The following ATP2B4 variants were observed in gnomAD, a reference collection of about 807,000 sequenced individuals.
The protein encoded by ATP2B4 is plasma membrane calcium-transporting ATPase 4.
In ATP2B4, 39 loss-of-function variants were observed where a neutral mutation model predicts 110.3. That is an observed-to-expected ratio of 0.35 (90% confidence interval 0.27 to 0.46). The LOEUF is 0.46. Ranked by LOEUF, ATP2B4 falls within the 20% of genes least tolerant of loss-of-function variation. ATP2B4 has a pLI of 1.00. For synonymous variants in ATP2B4, 538 were observed against 571.7 expected, an observed-to-expected ratio of 0.94 and a Z score of 0.84; for missense variants, 1,135 against 1,530.9, an observed-to-expected ratio of 0.74 and a Z score of 4.32.
Position 203,729,731 on chromosome 1 carries a change from C to T in ATP2B4, c.3309+2160C>T, listed in dbSNP as rs769138159. The stretch of plus-strand genomic sequence containing the variant: ...GCTTCCTGGGGAGCCCTGAGCACTT[C>T]TCCGTGTTGCTGGCCTCACATCCAA... On this transcript the variant is annotated intron_variant, in intron 20 of 20. Transcript: ENST00000357681. 5 of 1,352,020 alleles carry T rather than the reference C, an allele frequency of 3.7e-6. No individual in the cohort carries two copies. In the South Asian group the frequency reaches 5.8e-5, roughly 16 times the overall value. 83.8% of individuals were successfully genotyped at this position (1,352,020 alleles called of 1,614,324 possible).
At chr1:203,700,490 C>G (rs1259935798) in intron 5 of ATP2B4, among the ~76,000 whole-genome samples, 159 bp downstream of exon 5, 7 of 152,138 alleles carry the variant, frequency 4.6e-5, no homozygotes, top group African/African-American at 1.4e-4. Context: ...GGATATCAGG[C>G]AGCCTAAATG....
chr1:203,637,425 G>T (rs551739523), intron 1 of ATP2B4, among the ~76,000 whole-genome samples: 7 of 115,790 alleles, frequency 6.0e-5, no homozygotes, highest in Admixed American at 2.2e-4. Context: ...GACAGAGCAA[G>T]ACTCTGTCTC....
intron 2 of ATP2B4, among the ~76,000 whole-genome samples, chr1:203,691,005 A>G (rs1665357018): frequency 6.6e-6 from 1 of 152,056 alleles, no homozygotes; most frequent in Non-Finnish European, 1.5e-5. Context: ...CTCTCTTCCT[A>G]GCCCAGCCCA....
At chr1:203,700,652 G>T in intron 5 of ATP2B4, 146 bp from the exon 6 acceptor site, 1 of 1,190,612 alleles carries the variant, frequency 8.4e-7, no homozygotes. Flanking sequence ...AATGCGCCCA[G>T]CTCTTGACCT....
intron 2 of ATP2B4, among the ~76,000 whole-genome samples, chr1:203,691,774 C>T (rs1261411132): frequency 1.3e-5 from 2 of 152,132 alleles, no homozygotes; most frequent in African/African-American, 4.8e-5. Context: ...GAGTAGCATT[C>T]GGTTATTAGC....
At position 203,700,901 on chromosome 1, in the gene ATP2B4, CG is replaced by C. The variant is rs1558040522; in HGVS notation, c.880del (p.Glu294LysfsTer63). On this transcript the variant is annotated frameshift_variant, in exon 6 of 21. Coordinates refer to ENST00000357681, the MANE Select transcript of ATP2B4 (RefSeq NM_001684.5). LOFTEE classifies it high-confidence loss of function. The part of the protein sequence containing the change: ...LTLLGVNEDD[E>X]GEKKKKGKKQ... Reference sequence around the variant, plus strand: ...CTCTCTTGGGGGTCAATGAGGATGACGAAGGGGAGAAAAAGAAGAAAGGTAA... The same window carrying C: ...CTCTCTTGGGGGTCAATGAGGATGACAAGGGGAGAAAAAGAAGAAAGGTAA... 1 of 1,612,942 alleles carries C rather than the reference CG, an allele frequency of 6.2e-7. No individual in the cohort carries two copies. Among genetic ancestry groups the C allele is most frequent in the Non-Finnish European group, 8.5e-7 (1 of 1,179,418 alleles).
At chr1:203,655,354 A>G (rs1571686554) in intron 1 of ATP2B4, among the ~76,000 whole-genome samples, 1 of 1,458 alleles carries the variant, frequency 6.9e-4, no homozygotes, top group South Asian at 0.5. Flanking sequence ...TGGGGATGTA[A>G]AAAAAAAGAG....
chr1:203,714,065 A>G, intron 14 of ATP2B4, 106 bp from the exon 15 acceptor site: 1 of 1,108,254 alleles, frequency 9.0e-7, no homozygotes, highest in South Asian at 1.3e-5. Context: ...ACTTCTAGGA[A>G]AGGGAAAAGG....
At chr1:203,733,480 G>T in intron 20 of ATP2B4, 2 of 1,344,014 alleles carry the variant, frequency 1.5e-6, no homozygotes, top group East Asian at 2.6e-5. Flanking sequence ...AACCAACCAT[G>T]GTTATCTTTT....
intron 20 of ATP2B4, among the ~76,000 whole-genome samples, chr1:203,735,002 CAAAAAAAAA>C (rs35552196): frequency 3.5e-5 from 2 of 57,134 alleles, no homozygotes; most frequent in Admixed American, 2.7e-4. Flanking sequence ...GACTCCATCT[CAAAAAAAAA>C]AAAAAAAAAA....
intron 2 of ATP2B4, among the ~76,000 whole-genome samples, chr1:203,687,573 G>A (rs1424575628): frequency 6.6e-6 from 1 of 152,194 alleles, no homozygotes; most frequent in Non-Finnish European, 1.5e-5. Context: ...TGAAAGTGAA[G>A]ATCAGAGATA....
At chr1:203,707,563 TG>T (rs1327961465) in intron 9 of ATP2B4, among the ~76,000 whole-genome samples, 20 of 152,208 alleles carry the variant, frequency 1.3e-4, no homozygotes, top group Middle Eastern at 3.4e-3. Flanking sequence ...CCCAAGTAGC[TG>T]GGATTACAGG....
chr1:203,651,791 C>T (rs1425430830), intron 1 of ATP2B4, among the ~76,000 whole-genome samples: 1 of 151,100 alleles, frequency 6.6e-6, no homozygotes, highest in Non-Finnish European at 1.5e-5. Flanking sequence ...GGCACGGTGG[C>T]TCATGCCTGT....
At chr1:203,689,357 A>G (rs1665297379) in intron 2 of ATP2B4, among the ~76,000 whole-genome samples, 1 of 152,206 alleles carries the variant, frequency 6.6e-6, no homozygotes, top group Non-Finnish European at 1.5e-5. Context: ...GTCCTTAGCT[A>G]CGCTATCCTT....
At chr1:203,672,324 CTT>C (rs57144862) in intron 1 of ATP2B4, among the ~76,000 whole-genome samples, 3,543 of 76,304 alleles carry the variant, frequency 0.046, 12 homozygotes, top group East Asian at 0.15. Flanking sequence ...TGCGGTGGCT[CTT>C]TTTTTTTTTT....
intron 11 of ATP2B4, 100 bp from the exon 12 acceptor site, chr1:203,710,777 C>G: frequency 1.1e-6 from 1 of 933,732 alleles, no homozygotes; most frequent in Non-Finnish European, 1.7e-6. Flanking sequence ...GGAGCAATGT[C>G]TTTAGGAATA....
At chr1:203,660,359 AG>A (rs991238853) in intron 1 of ATP2B4, among the ~76,000 whole-genome samples, 2 of 152,192 alleles carry the variant, frequency 1.3e-5, no homozygotes, top group Admixed American at 6.5e-5. Flanking sequence ...CTATCACAAA[AG>A]GTAGTAGGTT....
intron 1 of ATP2B4, among the ~76,000 whole-genome samples, chr1:203,632,346 A>C (rs1663293918): frequency 6.7e-6 from 1 of 150,046 alleles, no homozygotes; most frequent in Non-Finnish European, 1.5e-5. Flanking sequence ...GAGAAGTAAG[A>C]AATTTTTTTT....
intron 1 of ATP2B4, among the ~76,000 whole-genome samples, chr1:203,630,283 C>G (rs965323495): frequency 1.3e-5 from 2 of 151,990 alleles, no homozygotes; most frequent in Admixed American, 1.3e-4. Flanking sequence ...GCAGGTCAAG[C>G]CTTCCACCGG....
Sources: gnomAD v4.1 joint callset for allele counts (sites outside exome capture counted in the v4.1 genomes callset) on GRCh38, gnomAD v4.1.1 for gene constraint, MANE v1.5 for transcripts, NCBI Gene and HGNC (gene_info 2026-07-23, HGNC 2026-07-21) for gene names.